The following VPS13D variants were observed in gnomAD, a reference collection of about 807,000 sequenced individuals.
VPS13D encodes vacuolar protein sorting 13 homolog D.
In VPS13D, 187 loss-of-function variants were observed where a neutral mutation model predicts 461.9. The observed-to-expected ratio is 0.40, with a 90% CI of 0.36 to 0.46. The LOEUF (loss-of-function observed/expected upper bound fraction) is 0.46, where lower values mean the gene tolerates loss of function less well. Ranked by LOEUF, VPS13D falls within the 20% of genes least tolerant of loss-of-function variation. VPS13D has a pLI of 0.60. For synonymous variants in VPS13D, 1,951 were observed against 1,986.3 expected (o/e 0.98, Z 0.47); for missense variants, 4,711 against 5,364.9 (o/e 0.88, Z 3.81).
chr1:12,467,211 G>A (rs549134206), intron 67 of VPS13D, among the ~76,000 whole-genome samples: 21 of 152,048 alleles, frequency 1.4e-4, no homozygotes, highest in Middle Eastern at 3.4e-3. Flanking sequence ...TTGCTCTGTC[G>A]CCCAGGCTGG....
At position 12,473,459 on chromosome 1, in the gene VPS13D, T is replaced by C. The variant is rs1645589226; in HGVS notation, c.12662+13063T>C. Among the ~76,000 whole-genome samples, 1 of 152,178 alleles carries C rather than the reference T, an allele frequency of 6.6e-6. No individual in the cohort carries two copies. Among genetic ancestry groups the C allele is most frequent in the Admixed American group, 6.5e-5 (1 of 15,280 alleles). On this transcript the variant is annotated intron_variant, in intron 67 of 69. Coordinates refer to ENST00000620676, the MANE Select transcript of VPS13D (RefSeq NM_015378.4). The surrounding 1 kb of genome is among the most constrained non-coding windows in gnomAD (Gnocchi z 4.2). ...GGCCTACTGGGGAGTCGGTTGGCCC[T>C]GGGTTTGAGTCATTGGGCTGCTGCT...
At chr1:12,370,400 A>G (rs1338760974) in intron 54 of VPS13D, among the ~76,000 whole-genome samples, 2 of 152,242 alleles carry the variant, frequency 1.3e-5, no homozygotes, top group African/African-American at 4.8e-5. Flanking sequence ...AATCTTTAAC[A>G]TTACAAATAT....
In VPS13D at chr1:12,313,858, A is replaced by G. The variant is rs373705286; in HGVS notation, c.6936-257A>G. Reference sequence around the variant, plus strand: ...ATTCAGAATATGTTAAACATGTGGTATTGTTACTTCTCATGCCGTTCCTAT... The same window carrying G: ...ATTCAGAATATGTTAAACATGTGGTGTTGTTACTTCTCATGCCGTTCCTAT... On this transcript the variant is annotated intron_variant, in intron 29 of 69. Transcript: ENST00000620676. 2.6e-4 allele frequency among the ~76,000 whole-genome samples: 40 copies of G among 152,262 alleles called. 3 individuals carry two copies. The highest frequency in any genetic ancestry group is 2.1e-3 in the Admixed American group (32 of 15,300).
intron 12 of VPS13D, 47 bp from the exon 13 acceptor site, chr1:12,261,854 T>TA: frequency 6.6e-7 from 1 of 1,509,722 alleles, no homozygotes; most frequent in Non-Finnish European, 9.0e-7. Flanking sequence ...GGTGCTTTTT[T>TA]ATTCTTCCAC....
At chr1:12,258,144 A>G (rs1430026204) in intron 10 of VPS13D, 41 bp downstream of exon 10, 8 of 1,605,954 alleles carry the variant, frequency 5.0e-6, no homozygotes, top group Non-Finnish European at 6.8e-6. Flanking sequence ...CTTATTCAGA[A>G]GATAAGAATG....
At chr1:12,434,417 G>A (rs1302808525) in intron 65 of VPS13D, among the ~76,000 whole-genome samples, 1 of 152,150 alleles carries the variant, frequency 6.6e-6, no homozygotes, top group East Asian at 1.9e-4. Context: ...GGTGGTTGAG[G>A]TGGCGGTGGT....
intron 67 of VPS13D, among the ~76,000 whole-genome samples, chr1:12,463,315 G>T (rs1318656468): frequency 6.6e-6 from 1 of 152,186 alleles, no homozygotes; most frequent in African/African-American, 2.4e-5. Flanking sequence ...TATATGTTTG[G>T]ATCAGTGGAT....
chr1:12,441,048 C>T (rs1450940122), intron 65 of VPS13D, among the ~76,000 whole-genome samples: 1 of 151,988 alleles, frequency 6.6e-6, no homozygotes, highest in East Asian at 1.9e-4. Flanking sequence ...GCCTCAGCCT[C>T]CTGAGTAGCT....
At chr1:12,284,980 C>G (rs971284695) in intron 21 of VPS13D, among the ~76,000 whole-genome samples, 3 of 152,154 alleles carry the variant, frequency 2.0e-5, no homozygotes, top group Non-Finnish European at 1.5e-5. Flanking sequence ...TTTATTCTTG[C>G]AGTGTCTGTG....
Position 12,311,614 on chromosome 1 carries a change from C to G in VPS13D, c.6811C>G (p.Pro2271Ala). The change falls in exon 28 of 70, where the codon CCA (proline) becomes GCA (alanine). Residue 2271 changes from proline to alanine, a missense_variant. This residue lies in a region of VPS13D where 4,411 missense variants were observed against 4,937.8 expected (regional missense o/e 0.89). Coordinates refer to ENST00000620676, the MANE Select transcript of VPS13D (RefSeq NM_015378.4). ...EFMRPYDLQD[P>A]RIHTVLSGEV... Reference sequence around the variant, plus strand: ...TATGCGGCCTTATGATTTACAAGATCCAAGAATTCATGTGAGTGAGACCTT... The same window carrying G: ...TATGCGGCCTTATGATTTACAAGATGCAAGAATTCATGTGAGTGAGACCTT... The G allele has an allele frequency of 6.2e-7, 1 of 1,614,046 alleles. No individual in the cohort carries two copies. Among genetic ancestry groups the G allele is most frequent in the Non-Finnish European group, 8.5e-7 (1 of 1,179,966 alleles).
intron 63 of VPS13D, among the ~76,000 whole-genome samples, chr1:12,404,499 C>T (rs970196349): frequency 6.6e-6 from 1 of 152,190 alleles, no homozygotes; most frequent in Non-Finnish European, 1.5e-5. Context: ...ATGGCCTTCT[C>T]TACCACCACA....
chr1:12,400,417 CG>C (rs1187965422), intron 61 of VPS13D, 87 bp downstream of exon 61: 3 of 1,515,168 alleles, frequency 2.0e-6, no homozygotes, highest in Non-Finnish European at 2.7e-6. Flanking sequence ...GCAGCAGTGC[CG>C]GGTGCTGATG....
rs1640413641 is a variant in VPS13D, at chr1:12,242,559, A to G, written c.144A>G (p.Lys48=). ...ENLPLKKDAL[K]ELELPFEVKA... ...TGCCATTAAAGAAAGATGCCTTGAA[A>G]GAATTGGAATTACCATTTGAAGTCA... The change falls in exon 3 of 70, where the codon AAA becomes AAG. Residue 48 remains lysine, a synonymous_variant. Coordinates refer to ENST00000620676, the MANE Select transcript of VPS13D (RefSeq NM_015378.4). 4 of 1,614,094 alleles carry G rather than the reference A, an allele frequency of 2.5e-6. No individual in the cohort carries two copies. The highest frequency in any genetic ancestry group is 3.4e-6 in the Non-Finnish European group (4 of 1,180,036).
intron 26 of VPS13D, among the ~76,000 whole-genome samples, chr1:12,306,426 G>A (rs1642566937): frequency 6.6e-6 from 1 of 152,180 alleles, no homozygotes; most frequent in South Asian, 2.1e-4. Flanking sequence ...TGCACCTGAG[G>A]GCCACTCGGC....
At chr1:12,371,217 C>G (rs1425558802) in intron 54 of VPS13D, among the ~76,000 whole-genome samples, 1 of 152,098 alleles carries the variant, frequency 6.6e-6, no homozygotes, top group Non-Finnish European at 1.5e-5. Context: ...CCCCATTCCT[C>G]CCTGTCTCCA....
rs1645585140 is a variant in VPS13D, at chr1:12,473,211, T to C, written c.12662+12815T>C. On this transcript the variant is annotated intron_variant, in intron 67 of 69. Transcript: ENST00000620676. This position sits in a 1 kb window ranked among gnomAD's most constrained non-coding sequence, Gnocchi z 4.2. ...AGGGAAGTTGCTGAAAGTTTTCTTA[T>C]CTTGACACTCCAAGGGCAAGAGGTC... Among the ~76,000 whole-genome samples, 1 of 152,216 alleles carries C rather than the reference T, an allele frequency of 6.6e-6. No homozygotes were observed. The highest frequency in any genetic ancestry group is 2.1e-4 in the South Asian group (1 of 4,830).
At chr1:12,364,576 T>C (rs1644002300) in intron 52 of VPS13D, among the ~76,000 whole-genome samples, 1 of 152,218 alleles carries the variant, frequency 6.6e-6, no homozygotes, top group East Asian at 1.9e-4. Context: ...TCTGCAGTCA[T>C]TGCACCATTT....
At chr1:12,438,098 C>T (rs1037799160) in intron 65 of VPS13D, among the ~76,000 whole-genome samples, 1 of 152,162 alleles carries the variant, frequency 6.6e-6, no homozygotes, top group Admixed American at 6.5e-5. Flanking sequence ...ATCTGTAGCT[C>T]ATCACTTATG....
intron 50 of VPS13D, among the ~76,000 whole-genome samples, chr1:12,360,012 T>C (rs1328831286): frequency 2.0e-5 from 3 of 152,178 alleles, no homozygotes; most frequent in Non-Finnish European, 4.4e-5. Context: ...CTTGTTCCTT[T>C]TATAGCAGCT....
Sources: allele counts gnomAD v4.1 joint callset (sites outside exome capture counted in the v4.1 genomes callset), GRCh38; gene constraint gnomAD v4.1.1; regional missense constraint gnomAD v4.1.1; non-coding constraint Gnocchi (gnomAD v3.1); transcripts MANE v1.5; gene names NCBI Gene and HGNC (gene_info 2026-07-23, HGNC 2026-07-21).